SAMMSON: variants seen among roughly 807,000 people sequenced by gnomAD.
The protein encoded by SAMMSON is survival associated mitochondrial melanoma specific oncogenic non-coding RNA.
chr3:70,028,307 C>G (rs1400159210), intron 3 of SAMMSON, among the ~76,000 whole-genome samples: 5 of 152,032 alleles, frequency 3.3e-5, no homozygotes, highest in Non-Finnish European at 7.4e-5. Flanking sequence ...GCAGTTGAGG[C>G]CTTACTCTCT....
chr3:70,276,852 C>T lies in SAMMSON; in HGVS notation n.675-14327C>T, dbSNP rs73836212. 2.8e-3 allele frequency among the ~76,000 whole-genome samples: 420 copies of T among 152,272 alleles called. 2 individuals carry two copies. The highest frequency in any genetic ancestry group is 9.4e-3 in the African/African-American group (389 of 41,536). On this transcript the variant is annotated intron_variant and non_coding_transcript_variant, in intron 6 of 9. Transcript: ENST00000642114. ...CCAACACAGAAAAAAATTGACAAAT[C>T]CTTCAAATTAGATTGTAGTTTTGTC...
chr3:70,394,685 T>G (rs867672008), downstream of SAMMSON, among the ~76,000 whole-genome samples: 2 of 152,142 alleles, frequency 1.3e-5, no homozygotes, highest in Non-Finnish European at 2.9e-5. Flanking sequence ...AAATTGTACG[T>G]TACATATATT....
intron 7 of SAMMSON, among the ~76,000 whole-genome samples, chr3:70,320,256 C>G (rs908305386): frequency 2.6e-4 from 39 of 152,032 alleles, no homozygotes; most frequent in Non-Finnish European, 4.4e-5. Flanking sequence ...GGGATCATTG[C>G]AAAGGCTAGC....
chr3:70,079,943 G>A (rs2067262164), intron 4 of SAMMSON, among the ~76,000 whole-genome samples: 1 of 152,152 alleles, frequency 6.6e-6, no homozygotes, highest in Non-Finnish European at 1.5e-5. Context: ...TGCTGATATG[G>A]GTGGCACAAA....
At chr3:70,418,973 CCTTCCT>C (rs1435818659) in intron 2 of SAMMSON, among the ~76,000 whole-genome samples, 17 of 27,996 alleles carry the variant, frequency 6.1e-4, no homozygotes, top group African/African-American at 9.6e-4. Context: ...TCCTTTCCTT[CCTTCCT>C]TCTCTCTCTC....
intron 4 of SAMMSON, among the ~76,000 whole-genome samples, chr3:70,162,535 T>C (rs546964648): frequency 6.6e-6 from 1 of 152,026 alleles, no homozygotes; most frequent in East Asian, 1.9e-4. Flanking sequence ...AAATGTGTTA[T>C]GATTTGTAGT....
intron 7 of SAMMSON, among the ~76,000 whole-genome samples, chr3:70,294,284 T>C (rs762060550): frequency 6.6e-6 from 1 of 152,168 alleles, no homozygotes; most frequent in Non-Finnish European, 1.5e-5. Context: ...TCTTTTTTGC[T>C]AATGAAACCT....
intron 4 of SAMMSON, among the ~76,000 whole-genome samples, chr3:70,129,801 C>A (rs575552407): frequency 6.6e-6 from 1 of 152,290 alleles, no homozygotes; most frequent in African/African-American, 2.4e-5. Flanking sequence ...ACTGTTCCAT[C>A]AAGAGATGGG....
At chr3:70,250,332 AT>A (rs778761987) in intron 6 of SAMMSON, among the ~76,000 whole-genome samples, 1 of 152,032 alleles carries the variant, frequency 6.6e-6, no homozygotes, top group South Asian at 2.1e-4. Context: ...TGCCAGCGAC[AT>A]TTTTTAGGTA....
chr3:70,225,925 A>G (rs1016019445), intron 4 of SAMMSON, among the ~76,000 whole-genome samples: 1 of 152,198 alleles, frequency 6.6e-6, no homozygotes, highest in Non-Finnish European at 1.5e-5. Flanking sequence ...TTCCCTCGCC[A>G]TCTACCAAGT....
At chr3:70,306,360 C>T (rs1262794291) in intron 7 of SAMMSON, among the ~76,000 whole-genome samples, 2 of 152,198 alleles carry the variant, frequency 1.3e-5, no homozygotes, top group South Asian at 4.1e-4. Flanking sequence ...ATCTACCCGC[C>T]TCGGCCTCCC....
At chr3:70,257,063 A>C (rs955416352) in intron 6 of SAMMSON, among the ~76,000 whole-genome samples, 5 of 152,210 alleles carry the variant, frequency 3.3e-5, no homozygotes, top group African/African-American at 1.2e-4. Flanking sequence ...GCAGGATTAG[A>C]GCATAGACCA....
At chr3:70,248,903 C>G (rs1302263395) in intron 4 of SAMMSON, among the ~76,000 whole-genome samples, 1 of 152,070 alleles carries the variant, frequency 6.6e-6, no homozygotes, top group African/African-American at 2.4e-5. Context: ...AATCTACTTA[C>G]CAGGAAATGG....
intron 4 of SAMMSON, among the ~76,000 whole-genome samples, chr3:70,186,750 A>G (rs1701094977): frequency 6.6e-6 from 1 of 152,196 alleles, no homozygotes; most frequent in Non-Finnish European, 1.5e-5. Flanking sequence ...ATGTTAAATA[A>G]TCAGTGCTCA....
At chr3:70,002,255 G>T (rs951869161) in intron 1 of SAMMSON, among the ~76,000 whole-genome samples, 1 of 152,110 alleles carries the variant, frequency 6.6e-6, no homozygotes, top group African/African-American at 2.4e-5. Context: ...CAACTGCTGG[G>T]TCAAAGAATT....
intron 7 of SAMMSON, among the ~76,000 whole-genome samples, chr3:70,343,841 G>A (rs1273775262): frequency 3.3e-5 from 5 of 150,468 alleles, no homozygotes; most frequent in Non-Finnish European, 7.4e-5. Context: ...ATATATTTAT[G>A]TATTCATTTA....
chr3:70,183,723 T>G (rs1701071436), intron 4 of SAMMSON: 1 of 152,194 alleles, frequency 6.6e-6, no homozygotes, highest in Admixed American at 6.5e-5. Flanking sequence ...ATCATGTGAA[T>G]GAAGAATCCC....
At chr3:70,144,134 G>A (rs1229577983) in intron 4 of SAMMSON, among the ~76,000 whole-genome samples, 2 of 151,964 alleles carry the variant, frequency 1.3e-5, no homozygotes, top group Non-Finnish European at 2.9e-5. Flanking sequence ...ATGACCTTTT[G>A]TAAAGACATC....
intron 4 of SAMMSON, among the ~76,000 whole-genome samples, chr3:70,171,013 T>C (rs908721937): frequency 2.6e-5 from 4 of 151,834 alleles, no homozygotes; most frequent in African/African-American, 7.2e-5. Context: ...TAGAAACATA[T>C]GGACTCAAGT....
Sources: allele counts gnomAD v4.1 joint callset (sites outside exome capture counted in the v4.1 genomes callset), GRCh38; gene constraint gnomAD v4.1.1; transcripts MANE v1.5; gene names NCBI Gene and HGNC (gene_info 2026-07-23, HGNC 2026-07-21).